Variants in KLF16 observed in about 807,000 individuals in gnomAD.
KLF16 encodes the protein Krueppel-like factor 16.
In KLF16, 6 loss-of-function variants were observed where a neutral mutation model predicts 6.1. The observed-to-expected ratio is 0.98, with a 90% CI of 0.54 to 1.93. The LOEUF (loss-of-function observed/expected upper bound fraction) is 1.93, where lower values mean the gene tolerates loss of function less well. Ranked by LOEUF, KLF16 falls within the 30% of genes most tolerant of loss-of-function variation. KLF16 has a pLI of 0.01. For synonymous variants in KLF16, 211 were observed against 176.5 expected (o/e 1.20, Z -1.55); for missense variants, 355 against 363.8 (o/e 0.98, Z 0.20).
At chr19:1,865,135 C>A (rs1373661230), upstream of KLF16, among the ~76,000 whole-genome samples, 1 of 152,216 alleles carries the variant, frequency 6.6e-6, no homozygotes, top group Non-Finnish European at 1.5e-5. Context: ...CCCCAGTAAG[C>A]CCACTCTACG....
intron 1 of KLF16, chr19:1,860,163 G>GTTT (rs2012035677): frequency 2.6e-5 from 4 of 151,736 alleles, no homozygotes. Flanking sequence ...TGGAGAGCAG[G>GTTT]GAGCCGACAG....
rs754214896 is a variant in KLF16 at position 1,854,538 on chromosome 19, G to A, written c.680C>T (p.Pro227Leu). 1.9e-6 allele frequency: 3 copies of A among 1,543,362 alleles called. No individual in the cohort carries two copies. The highest frequency in any genetic ancestry group is 1.7e-6 in the Non-Finnish European group (2 of 1,153,366). Residue 227 changes from proline to leucine, a missense_variant, in exon 2 of 2, where the codon CCC becomes CTC. Transcript: ENST00000250916. ...CAGGCTGCAGGGCAGCGAGTCGCTG[G>A]GGGAGGTACTGCGGGCACCAGGGCG... Reference protein sequence around the residue: ...LRRPGARSTSPSDSLPCSLAG... With the variant: ...LRRPGARSTSLSDSLPCSLAG...
the KLF16 span, among the ~76,000 whole-genome samples, chr19:1,869,376 A>C: frequency 6.6e-6 from 1 of 152,208 alleles, no homozygotes; most frequent in African/African-American, 2.4e-5. Flanking sequence ...GCTACTCAGG[A>C]GGCTGAGGCA....
chr19:1,856,074 G>A (rs576671263), intron 1 of KLF16, among the ~76,000 whole-genome samples: 3 of 152,352 alleles, frequency 2.0e-5, no homozygotes, highest in Non-Finnish European at 4.4e-5. Context: ...CCCACGCCCA[G>A]CACTGGAGGT....
the KLF16 span, chr19:1,875,388 TA>T: frequency 6.6e-6 from 1 of 152,260 alleles, no homozygotes; most frequent in Non-Finnish European, 1.5e-5. Flanking sequence ...GAGCCCCAAG[TA>T]AAGTAACTGA....
At chr19:1,876,306 G>A in the KLF16 span, 2 of 152,470 alleles carry the variant, frequency 1.3e-5, no homozygotes, top group African/African-American at 2.4e-5. Flanking sequence ...TGCAGCTTGG[G>A]ATCCCGGCCT....
the KLF16 span, among the ~76,000 whole-genome samples, chr19:1,872,940 C>A: frequency 6.6e-6 from 1 of 152,074 alleles, no homozygotes; most frequent in Non-Finnish European, 1.5e-5. Flanking sequence ...GTTAACAAGG[C>A]GGCCCTGCAC....
upstream of KLF16, among the ~76,000 whole-genome samples, chr19:1,868,461 CTTTTTTTT>C (rs762308559): frequency 1.8e-5 from 2 of 110,068 alleles, no homozygotes; most frequent in African/African-American, 6.5e-5. Context: ...CAGATTAGGG[CTTTTTTTT>C]TTTTTTTTTT....
At chr19:1,855,399 A>G in intron 1 of KLF16, among the ~76,000 whole-genome samples, 1 of 145,336 alleles carries the variant, frequency 6.9e-6, no homozygotes, top group Non-Finnish European at 1.5e-5. Flanking sequence ...GATGGAAGAC[A>G]GGCAGGAAAG....
chr19:1,863,576 G>A lies in KLF16; in HGVS notation c.-79C>T, dbSNP rs1483874990. 1.5e-5 allele frequency: 10 copies of A among 660,466 alleles called. No individual in the cohort carries two copies. The highest frequency in any genetic ancestry group is 7.7e-4 in the Middle Eastern group (1 of 1,306). 40.9% of individuals were successfully genotyped at this position (660,466 alleles called of 1,614,324 possible). ...TCCGTCCGGCCGGCGGCGGCTGCTC[G>A]AGTGCGGGAGGCGGAGGAGGAGGAG... On this transcript the variant is annotated 5_prime_UTR_variant, in exon 1 of 2. Coordinates refer to ENST00000250916, the MANE Select transcript of KLF16 (RefSeq NM_031918.4).
In KLF16 at chr19:1,857,009, C is replaced by G. The variant is rs1037206147; in HGVS notation, c.458-2249G>C. On this transcript the variant is annotated intron_variant, in intron 1 of 1. Transcript: ENST00000250916. This position sits in a 1 kb window ranked among gnomAD's most constrained non-coding sequence, Gnocchi z 4.7. ...AGCCGCTGGGAACACAGCTGCCGCACGTAGCTCGGCGGCGGCGGCGGGGAC... is the reference window on the plus strand; with the variant it reads ...AGCCGCTGGGAACACAGCTGCCGCAGGTAGCTCGGCGGCGGCGGCGGGGAC... 1.4e-5 allele frequency among the ~76,000 whole-genome samples: 2 copies of G among 144,848 alleles called. No homozygotes were observed. The highest frequency in any genetic ancestry group is 4.3e-4 in the South Asian group (2 of 4,682).
At chr19:1,872,761 T>C in the KLF16 span, among the ~76,000 whole-genome samples, 8 of 152,032 alleles carry the variant, frequency 5.3e-5, no homozygotes, top group Non-Finnish European at 8.8e-5. Flanking sequence ...TCTCGGCTAC[T>C]TCTCTCGGTG....
chr19:1,870,152 G>A, the KLF16 span, among the ~76,000 whole-genome samples: 22 of 147,836 alleles, frequency 1.5e-4, no homozygotes, highest in African/African-American at 3.5e-4. Flanking sequence ...GGCTGGTCTC[G>A]AACTGCTGAC....
chr19:1,875,860 C>A, the KLF16 span: 1 of 152,408 alleles, frequency 6.6e-6, no homozygotes, highest in Non-Finnish European at 1.5e-5. Flanking sequence ...GGTCGCAAAG[C>A]CCTGGCCGTG....
the KLF16 span, among the ~76,000 whole-genome samples, chr19:1,876,389 C>T: frequency 3.9e-5 from 6 of 152,250 alleles, no homozygotes; most frequent in Admixed American, 6.5e-5. Context: ...CACCGGTTCC[C>T]GAGTCCTCCC....
upstream of KLF16, among the ~76,000 whole-genome samples, chr19:1,868,100 A>G (rs1241896582): frequency 6.6e-6 from 1 of 152,070 alleles, no homozygotes; most frequent in Non-Finnish European, 1.5e-5. Flanking sequence ...CATGCCTCTG[A>G]ATGTCAACAG....
chr19:1,863,727 C>T (rs2012126853), upstream of KLF16, among the ~76,000 whole-genome samples: 1 of 142,400 alleles, frequency 7.0e-6, no homozygotes. Flanking sequence ...GACGCCCCCT[C>T]GGGGCGCCGC....
chr19:1,868,970 G>C, the KLF16 span, among the ~76,000 whole-genome samples: 1 of 152,054 alleles, frequency 6.6e-6, no homozygotes. Flanking sequence ...CAGAACACTT[G>C]AGCAGGCCTC....
chr19:1,868,101 A>T (rs2012216796), upstream of KLF16, among the ~76,000 whole-genome samples: 1 of 152,106 alleles, frequency 6.6e-6, no homozygotes, highest in Non-Finnish European at 1.5e-5. Flanking sequence ...ATGCCTCTGA[A>T]TGTCAACAGG....
Sources: gnomAD v4.1 joint callset for allele counts (sites outside exome capture counted in the v4.1 genomes callset) on GRCh38, gnomAD v4.1.1 for gene constraint, Gnocchi (gnomAD v3.1) non-coding constraint, MANE v1.5 for transcripts, NCBI Gene and HGNC (gene_info 2026-07-23, HGNC 2026-07-21) for gene names.